SNX18: variants seen among roughly 807,000 people sequenced by gnomAD.
SNX18 encodes sorting nexin 18.
In SNX18, 35 loss-of-function variants were observed where a neutral mutation model predicts 48.7. That is an observed-to-expected ratio of 0.72 (90% CI 0.55 to 0.95). The LOEUF (loss-of-function observed/expected upper bound fraction) is 0.95, where lower values mean the gene tolerates loss of function less well. SNX18 is among the 40% of genes least tolerant of loss of function. The pLI is 0.00. For synonymous variants in SNX18, 492 were observed against 384.7 expected, an observed-to-expected ratio of 1.28 and a Z score of -3.26; for missense variants, 824 against 871.0, an observed-to-expected ratio of 0.95 and a Z score of 0.68.
At chr5:54,624,526 T>C in the SNX18 span, among the ~76,000 whole-genome samples, 1 of 152,218 alleles carries the variant, frequency 6.6e-6, no homozygotes, top group East Asian at 1.9e-4. Context: ...TTGGAGCACC[T>C]GAAGCAATTC....
chr5:54,529,483 C>T (rs1762212525), intron 1 of SNX18, among the ~76,000 whole-genome samples: 1 of 152,186 alleles, frequency 6.6e-6, no homozygotes, highest in African/African-American at 2.4e-5. Context: ...CCTGCAAAGC[C>T]TAAAATGCTT....
chr5:54,612,547 G>T, the SNX18 span, among the ~76,000 whole-genome samples: 1 of 152,126 alleles, frequency 6.6e-6, no homozygotes, highest in Admixed American at 6.5e-5. Flanking sequence ...ACAGGCGTGA[G>T]CCACCGTGCC....
intron 1 of SNX18, among the ~76,000 whole-genome samples, chr5:54,529,704 G>A (rs943245532): frequency 1.3e-5 from 2 of 152,078 alleles, no homozygotes; most frequent in African/African-American, 2.4e-5. Context: ...TGACAGCAGT[G>A]TGGTTGTTGG....
rs778201349 is a variant in SNX18, at chr5:54,518,582, C to A, written c.630C>A (p.Val210=). 39 of 1,575,988 alleles carry A rather than the reference C, an allele frequency of 2.5e-5. No homozygotes were observed. The highest frequency in any genetic ancestry group is 3.6e-5 in the Admixed American group (2 of 55,876). Residue 210 remains valine (V), a synonymous_variant, in exon 1 of 2, where the codon GTC becomes GTA. Transcript: ENST00000381410. The stretch of plus-strand genomic sequence containing the variant: ...CCCTGGGTTCCCGCGGCGGCTCGGT[C>A]CCCCCGCAGCACCACCCGTCGGGGC... ...DLSLGSRGGS[V]PPQHHPSGPK...
the SNX18 span, among the ~76,000 whole-genome samples, chr5:54,584,051 T>C: frequency 2.0e-5 from 3 of 147,946 alleles, no homozygotes; most frequent in Non-Finnish European, 4.5e-5. Context: ...TAGCTCTTTT[T>C]TTTTTTTTTT....
At chr5:54,640,023 T>C in the SNX18 span, among the ~76,000 whole-genome samples, 2 of 152,072 alleles carry the variant, frequency 1.3e-5, no homozygotes, top group African/African-American at 4.8e-5. Flanking sequence ...CTTTGATAAG[T>C]GAATGAGACT....
chr5:54,541,268 TCCAC>T (rs1290843600), intron 1 of SNX18, among the ~76,000 whole-genome samples: 5 of 152,166 alleles, frequency 3.3e-5, no homozygotes, highest in African/African-American at 4.8e-5. Flanking sequence ...CCTCAGGTGA[TCCAC>T]CCACCTCAGC....
chr5:54,588,192 T>C, the SNX18 span, among the ~76,000 whole-genome samples: 1 of 152,104 alleles, frequency 6.6e-6, no homozygotes, highest in Non-Finnish European at 1.5e-5. Flanking sequence ...TGCCTAAAAA[T>C]TCTGTTTCTA....
At chr5:54,588,958 G>A in the SNX18 span, among the ~76,000 whole-genome samples, 216 of 152,280 alleles carry the variant, frequency 1.4e-3, 1 homozygote, top group Admixed American at 2.9e-3. Context: ...TGTCTGTGGA[G>A]CAACTATACT....
the SNX18 span, among the ~76,000 whole-genome samples, chr5:54,586,137 G>C: frequency 6.6e-6 from 1 of 152,196 alleles, no homozygotes; most frequent in African/African-American, 2.4e-5. Context: ...ACCTTCCTAA[G>C]GGAAAAATGG....
chr5:54,623,848 C>T, the SNX18 span, among the ~76,000 whole-genome samples: 1 of 152,156 alleles, frequency 6.6e-6, no homozygotes, highest in Non-Finnish European at 1.5e-5. Flanking sequence ...CTCTCATTGC[C>T]TTCACTCTTC....
chr5:54,544,426 C>T lies in SNX18; in HGVS notation c.*994C>T, dbSNP rs1762535351. The T allele has an allele frequency of 1.3e-5, 2 of 149,890 alleles. No individual in the cohort carries two copies. The highest frequency in any genetic ancestry group is 3.0e-5 in the Non-Finnish European group (2 of 67,636). 9.3% of individuals were successfully genotyped at this position (149,890 alleles called of 1,614,324 possible). On this transcript the variant is annotated 3_prime_UTR_variant, in exon 2 of 2. Coordinates refer to ENST00000381410, the MANE Select transcript of SNX18 (RefSeq NM_001102575.2). The stretch of plus-strand genomic sequence containing the variant: ...AGTTTTTTGAAAAAAAATGGATCTA[C>T]ACTGTTAACTGATTGAGACTCCACT...
At chr5:54,569,980 G>A in the SNX18 span, among the ~76,000 whole-genome samples, 1 of 152,220 alleles carries the variant, frequency 6.6e-6, no homozygotes, top group Admixed American at 6.5e-5. Flanking sequence ...AGTGTACTGG[G>A]TTGAGTTGTG....
At chr5:54,635,466 A>C in the SNX18 span, among the ~76,000 whole-genome samples, 1 of 152,120 alleles carries the variant, frequency 6.6e-6, no homozygotes, top group Non-Finnish European at 1.5e-5. Flanking sequence ...CTTCTGCTCC[A>C]GGCTTTAAGG....
rs1762564947 is a variant in SNX18 at position 54,545,606 on chromosome 5, T to G, written c.*2174T>G. On this transcript the variant is annotated 3_prime_UTR_variant, in exon 2 of 2. Coordinates refer to ENST00000381410, the MANE Select transcript of SNX18 (RefSeq NM_001102575.2). ...ATGCTGCCTACTTCTAAGAGAAATTTCATTCTTCATAACCACATAACATTA... is the reference window on the plus strand; with the variant it reads ...ATGCTGCCTACTTCTAAGAGAAATTGCATTCTTCATAACCACATAACATTA... 6.6e-6 allele frequency: 1 copy of G among 152,214 alleles called. No homozygotes were observed. The highest frequency in any genetic ancestry group is 2.1e-4 in the South Asian group (1 of 4,828). 9.4% of individuals were successfully genotyped at this position (152,214 alleles called of 1,614,324 possible).
At chr5:54,519,749 C>T in intron 1 of SNX18, 176 bp downstream of exon 1, 1 of 1,614,196 alleles carries the variant, frequency 6.2e-7, no homozygotes. Flanking sequence ...GCTCGACAGG[C>T]AGCTTCCTCC....
chr5:54,590,375 A>T, the SNX18 span, among the ~76,000 whole-genome samples: 1 of 152,138 alleles, frequency 6.6e-6, no homozygotes, highest in Admixed American at 6.5e-5. Context: ...CCTACTCTGA[A>T]TCACTTCCCT....
chr5:54,616,740 G>T, the SNX18 span, among the ~76,000 whole-genome samples: 2,459 of 152,012 alleles, frequency 0.016, 31 homozygotes, highest in South Asian at 0.07. Flanking sequence ...CTGCACTCCA[G>T]CCTGGATGAC....
At chr5:54,567,777 G>A in the SNX18 span, among the ~76,000 whole-genome samples, 1 of 152,172 alleles carries the variant, frequency 6.6e-6, no homozygotes, top group Non-Finnish European at 1.5e-5. Context: ...AGGATACTCG[G>A]AAGGCACCTC....
Sources: allele counts gnomAD v4.1 joint callset (sites outside exome capture counted in the v4.1 genomes callset), GRCh38; gene constraint gnomAD v4.1.1; transcripts MANE v1.5; gene names NCBI Gene and HGNC (gene_info 2026-07-23, HGNC 2026-07-21).